Variants in RHOT1 observed in about 807,000 individuals in gnomAD.
RHOT1 encodes the protein mitochondrial Rho GTPase 1.
Under a neutral mutation model 95.3 loss-of-function variants are expected in RHOT1, and 27 were observed. That is an observed-to-expected ratio of 0.28 (90% CI 0.21 to 0.39). RHOT1 has a LOEUF of 0.39. RHOT1 is among the 10% of genes least tolerant of loss of function. The pLI, the probability that RHOT1 is intolerant of heterozygous loss-of-function variation, is 1.00. For synonymous variants in RHOT1, 227 were observed against 263.5 expected, an observed-to-expected ratio of 0.86 and a Z score of 1.34; for missense variants, 578 against 786.7, an observed-to-expected ratio of 0.73 and a Z score of 3.17.
chr17:32,221,370 C>CAAAAAAAA (rs397805349), intron 19 of RHOT1, among the ~76,000 whole-genome samples: 1 of 67,994 alleles, frequency 1.5e-5, no homozygotes. Flanking sequence ...TCGTCTGTCT[C>CAAAAAAAA]AAAAAAAAAA....
intron 1 of RHOT1, among the ~76,000 whole-genome samples, chr17:32,152,416 G>A (rs2032423328): frequency 6.6e-6 from 1 of 152,178 alleles, no homozygotes; most frequent in African/African-American, 2.4e-5. Flanking sequence ...GAGTCCATGG[G>A]AAAAGCAGAA....
Position 32,151,185 on chromosome 17 carries a change from GA to G in RHOT1, c.37+8458del, listed in dbSNP as rs368034723. On this transcript the variant is annotated intron_variant, in intron 1 of 19. Coordinates refer to ENST00000545287, the MANE Select transcript of RHOT1 (RefSeq NM_001033566.3). Reference sequence around the variant, plus strand: ...TTGAGTTTCAAAGCTAGTTTCTCCTGAAGATTTCTGTCTGGGAACATGGTCT... The same window carrying G: ...TTGAGTTTCAAAGCTAGTTTCTCCTGAGATTTCTGTCTGGGAACATGGTCT... 1,378 of 770,182 alleles carry G rather than the reference GA, an allele frequency of 1.8e-3. 15 individuals carry two copies. The highest frequency in any genetic ancestry group is 0.01 in the South Asian group (763 of 74,550). 47.7% of individuals were successfully genotyped at this position (770,182 alleles called of 1,614,324 possible). A position where few individuals can be genotyped will look rare whatever the true frequency, so the allele number is the denominator to read the frequency against.
At chr17:32,203,862 A>G (rs377487321) in intron 15 of RHOT1, 28 bp from the exon 16 acceptor site, 13 of 1,528,440 alleles carry the variant, frequency 8.5e-6, no homozygotes, top group African/African-American at 1.4e-5. Context: ...GTTACTGCAG[A>G]TATTGAGATT....
intron 2 of RHOT1, among the ~76,000 whole-genome samples, chr17:32,172,130 T>C (rs1234352930): frequency 1.3e-5 from 2 of 152,242 alleles, no homozygotes; most frequent in Non-Finnish European, 2.9e-5. Context: ...TAGATAGGAA[T>C]ATCTGTATAA....
chr17:32,200,002 G>T (rs2037191224), intron 13 of RHOT1, among the ~76,000 whole-genome samples: 1 of 149,340 alleles, frequency 6.7e-6, no homozygotes, highest in South Asian at 2.1e-4. Flanking sequence ...GAGTGTAGTG[G>T]CGTGATCTTG....
At chr17:32,189,498 G>A (rs1195045616) in intron 8 of RHOT1, among the ~76,000 whole-genome samples, 4 of 151,946 alleles carry the variant, frequency 2.6e-5, no homozygotes. Flanking sequence ...TTTTTTAATT[G>A]TTACTTTGTT....
In RHOT1 at chr17:32,199,633, T is replaced by G. The variant is rs2037163928; in HGVS notation, c.1100+83T>G. On this transcript the variant is annotated intron_variant, in intron 13 of 19. Coordinates refer to ENST00000545287, the MANE Select transcript of RHOT1 (RefSeq NM_001033566.3). ...TATTACATTTGTCACTTTGTAAGCT[T>G]GTGAGGCATTATGAAATTCTTCAAT... is the stretch of plus-strand genomic sequence containing the variant. 3 of 1,185,598 alleles carry G rather than the reference T, an allele frequency of 2.5e-6. No homozygotes were observed. The South Asian group carries it at 5.3e-5, about 21-fold the overall frequency. 73.4% of individuals were successfully genotyped at this position (1,185,598 alleles called of 1,614,324 possible). A position where few individuals can be genotyped will look rare whatever the true frequency, so the allele number is the denominator to read the frequency against.
Position 32,183,197 on chromosome 17 carries a change from A to G in RHOT1, c.465A>G (p.Ile155Met). ...GTTCAGCGAAAAACCTGAAGAACAT[A>G]TCAGAGCTCTTTTATTACGCACAGA... ...VECSAKNLKN[I>M]SELFYYAQKA... Residue 155 changes from isoleucine (I) to methionine (M), a missense_variant, in exon 8 of 20, where the codon ATA becomes ATG. By Grantham distance (10) the Ile-to-Met change is conservative. Around this residue, in one of 4 missense-constraint regions of RHOT1, gnomAD observed 227 missense variants for 316.0 expected, o/e 0.72. Coordinates refer to ENST00000545287, the MANE Select transcript of RHOT1 (RefSeq NM_001033566.3). 2 of 1,577,484 alleles carry G rather than the reference A, an allele frequency of 1.3e-6. No individual in the cohort carries two copies. Among genetic ancestry groups the G allele is most frequent in the Non-Finnish European group, 1.7e-6 (2 of 1,157,556 alleles).
chr17:32,168,630 AAT>A (rs1301390180), intron 1 of RHOT1, among the ~76,000 whole-genome samples: 2 of 148,312 alleles, frequency 1.3e-5, no homozygotes, highest in African/African-American at 4.9e-5. Flanking sequence ...TATATATATA[AAT>A]ATATTTTTAT....
intron 19 of RHOT1, among the ~76,000 whole-genome samples, chr17:32,214,934 T>C: frequency 8.7e-6 from 1 of 114,548 alleles, no homozygotes; most frequent in African/African-American, 3.9e-5. Flanking sequence ...TGAGATGGAG[T>C]CTCACCCTGC....
chr17:32,177,944 C>T (rs1203698386), intron 6 of RHOT1, among the ~76,000 whole-genome samples: 1 of 150,610 alleles, frequency 6.6e-6, no homozygotes, highest in African/African-American at 2.4e-5. Context: ...CCTGCCTCAG[C>T]CTCCCGAGTA....
intron 6 of RHOT1, among the ~76,000 whole-genome samples, chr17:32,180,378 A>G (rs578072041): frequency 8.1e-4 from 123 of 152,234 alleles, no homozygotes; most frequent in African/African-American, 2.9e-3. Flanking sequence ...GCTCTCTGAA[A>G]CATGTGCTGT....
intron 1 of RHOT1, among the ~76,000 whole-genome samples, chr17:32,149,771 G>A (rs567759120): frequency 4.8e-4 from 72 of 150,646 alleles, no homozygotes; most frequent in African/African-American, 1.8e-3. Flanking sequence ...ATAGAGAGAA[G>A]AGAGTCTCAC....
intron 11 of RHOT1, among the ~76,000 whole-genome samples, chr17:32,196,488 G>A (rs1404081247): frequency 6.6e-6 from 1 of 151,996 alleles, no homozygotes; most frequent in Non-Finnish European, 1.5e-5. Context: ...CACCACACCT[G>A]GTCTAAAATC....
intron 3 of RHOT1, among the ~76,000 whole-genome samples, chr17:32,174,765 C>T (rs2034856578): frequency 6.6e-6 from 1 of 152,172 alleles, no homozygotes; most frequent in Non-Finnish European, 1.5e-5. Context: ...CTAGCTATAT[C>T]ATTCATATCC....
intron 6 of RHOT1, 144 bp downstream of exon 6, chr17:32,176,357 T>C (rs2034999926): frequency 3.0e-6 from 2 of 656,108 alleles, no homozygotes; most frequent in South Asian, 2.0e-5. Context: ...TATCTATCAG[T>C]TTTTCTGTCT....
intron 6 of RHOT1, among the ~76,000 whole-genome samples, chr17:32,176,582 A>ATTTT (rs2035025040): frequency 6.8e-6 from 1 of 147,246 alleles, no homozygotes; most frequent in Non-Finnish European, 1.5e-5. Context: ...TTATTTATTT[A>ATTTT]TTTATTTTGA....
intron 1 of RHOT1, among the ~76,000 whole-genome samples, chr17:32,167,518 C>T (rs1838577297): frequency 6.6e-6 from 1 of 151,936 alleles, no homozygotes; most frequent in South Asian, 2.1e-4. Context: ...GTGGAGCCTC[C>T]CAAGTAGCCG....
At chr17:32,176,514 C>T (rs2035014074) in intron 6 of RHOT1, among the ~76,000 whole-genome samples, 1 of 151,892 alleles carries the variant, frequency 6.6e-6, no homozygotes, top group Admixed American at 6.6e-5. Flanking sequence ...CATTTCTCTT[C>T]CTCAAACTGC....
Sources: allele counts gnomAD v4.1 joint callset (sites outside exome capture counted in the v4.1 genomes callset), GRCh38; gene constraint gnomAD v4.1.1; regional missense constraint gnomAD v4.1.1; transcripts MANE v1.5; gene names NCBI Gene and HGNC (gene_info 2026-07-23, HGNC 2026-07-21).